Variants in PDE10A observed in about 807,000 individuals in gnomAD.
PDE10A encodes the protein cAMP and cAMP-inhibited cGMP 3',5'-cyclic phosphodiesterase 10A.
PDE10A carries 39 observed loss-of-function variants against 97.7 expected under a neutral mutation model. The ratio of observed to expected loss-of-function variants is 0.40; its 90% CI spans 0.31 to 0.52. The LOEUF (loss-of-function observed/expected upper bound fraction) is 0.52, where lower values mean the gene tolerates loss of function less well. PDE10A is among the 20% of genes least tolerant of loss of function. PDE10A has a pLI of 0.56. For synonymous variants in PDE10A, 371 were observed against 376.8 expected (o/e 0.98, Z 0.18); for missense variants, 731 against 1,047.8 (o/e 0.70, Z 4.17).
chr6:165,826,651 T>C lies in PDE10A; in HGVS notation c.-615+160878A>G, dbSNP rs1194295128. ...AGGGGTGGTGCGGGGGAGGCCGAGG[T>C]ACCCCCGTGTGTCTGAGCAGGGTCT... On this transcript the variant is annotated intron_variant, in intron 1 of 19. Transcript: ENST00000366882. Among the ~76,000 whole-genome samples, 3 of 152,050 alleles carry C rather than the reference T, an allele frequency of 2.0e-5. No homozygotes were observed. The East Asian group carries it at 5.8e-4, about 30-fold the overall frequency.
chr6:165,395,046 AG>A (rs1347608442), intron 15 of PDE10A, 134 bp downstream of exon 15: 1 of 546,386 alleles, frequency 1.8e-6, no homozygotes, highest in East Asian at 3.1e-5. Context: ...TGGAATATTT[AG>A]GAAAAAAAGT....
Position 165,332,073 on chromosome 6 carries a change from CTT to C in PDE10A, c.*950_*951del, listed in dbSNP as rs989594297. 1.3e-5 allele frequency: 2 copies of C among 152,052 alleles called. No individual in the cohort carries two copies. The highest frequency in any genetic ancestry group is 4.8e-5 in the African/African-American group (2 of 41,406). The allele number at this position is 152,052 out of a possible 1,614,324, so 9.4% of individuals were successfully genotyped here. A position where few individuals can be genotyped will look rare whatever the true frequency, so the allele number is the denominator to read the frequency against. On this transcript the variant is annotated 3_prime_UTR_variant, in exon 22 of 22. Coordinates refer to ENST00000539869, the MANE Select transcript of PDE10A (RefSeq NM_001385079.1). Reference sequence around the variant, plus strand: ...TTAATTAAACAATGTTTAAAATAAACTTTTCATTGTGAATGAGAGTCTAAAAT... The same window carrying C: ...TTAATTAAACAATGTTTAAAATAAACTTCATTGTGAATGAGAGTCTAAAAT...
intron 1 of PDE10A, among the ~76,000 whole-genome samples, chr6:165,875,737 T>TTTTG (rs750984085): frequency 3.6e-5 from 5 of 138,048 alleles, no homozygotes; most frequent in East Asian, 2.0e-4. Context: ...TACTGTTTTT[T>TTTTG]TTTTTTTTTT....
At chr6:165,838,917 C>T (rs547607669) in intron 1 of PDE10A, among the ~76,000 whole-genome samples, 14 of 152,276 alleles carry the variant, frequency 9.2e-5, no homozygotes, top group East Asian at 1.9e-4. Flanking sequence ...GTTTCCAGGA[C>T]GTTCCATGAT....
At chr6:165,663,399 C>G (rs930742919), upstream of PDE10A, among the ~76,000 whole-genome samples, 3 of 152,156 alleles carry the variant, frequency 2.0e-5, no homozygotes, top group Non-Finnish European at 4.4e-5. Flanking sequence ...ACAGAGCAAC[C>G]GCTGCGTCTC....
chr6:165,646,192 G>A (rs1223099932), intron 1 of PDE10A, among the ~76,000 whole-genome samples: 2 of 152,192 alleles, frequency 1.3e-5, no homozygotes, highest in East Asian at 3.9e-4. Context: ...TATAGACCTT[G>A]TCATGAAGTC....
At chr6:165,607,002 T>A in intron 1 of PDE10A, among the ~76,000 whole-genome samples, 1 of 152,236 alleles carries the variant, frequency 6.6e-6, no homozygotes. Context: ...CATATACTTA[T>A]TCTGTTGTTA....
chr6:165,459,522 TAGACAGACAGACAGACAGACAGAC>T lies in PDE10A; in HGVS notation c.1024-9184_1024-9161del, dbSNP rs138521828. On this transcript the variant is annotated intron_variant, in intron 3 of 21. Transcript: ENST00000539869. Reference sequence around the variant, plus strand: ...ATAGATAGATAGATAGATAGATAGATAGACAGACAGACAGACAGACAGACAGACAGACAGACAGATAGATAGATA... The same window carrying T: ...ATAGATAGATAGATAGATAGATAGATAGACAGACAGACAGATAGATAGATA... Among the ~76,000 whole-genome samples the T allele has an allele frequency of 3.7e-3, 390 of 106,184 alleles. 4 individuals are homozygous for T. The highest frequency in any genetic ancestry group is 0.012 in the African/African-American group (374 of 31,676). The allele number at this position is 106,184 out of a possible 152,430, so 69.7% of individuals were successfully genotyped here.
rs922754850 is a variant in PDE10A at position 165,883,127 on chromosome 6, T to C, written c.-615+104402A>G. Reference sequence around the variant, plus strand: ...GGCGCACGCCTGCAGTCCCAGCTACTCAGGAGGCTGAGACAGGAGAATTGC... The same window carrying C: ...GGCGCACGCCTGCAGTCCCAGCTACCCAGGAGGCTGAGACAGGAGAATTGC... On this transcript the variant is annotated intron_variant, in intron 1 of 19. Transcript: ENST00000366882. 4.6e-5 allele frequency among the ~76,000 whole-genome samples: 7 copies of C among 152,126 alleles called. No homozygotes were observed. In the South Asian group the frequency reaches 1.2e-3, roughly 27 times the overall value.
At chr6:165,364,725 T>G (rs1783651393) in intron 18 of PDE10A, among the ~76,000 whole-genome samples, 1 of 152,206 alleles carries the variant, frequency 6.6e-6, no homozygotes, top group Non-Finnish European at 1.5e-5. Context: ...AAGAAAATAT[T>G]GATCAACTAT....
At position 165,674,254 on chromosome 6, in the gene PDE10A, G is replaced by A. The variant is rs74355655; in HGVS notation, c.-614-130686C>T. Among the ~76,000 whole-genome samples, 115 of 152,044 alleles carry A rather than the reference G, an allele frequency of 7.6e-4. 1 individual carries two copies. The East Asian group carries it at 0.017, about 23-fold the overall frequency. On this transcript the variant is annotated intron_variant, in intron 1 of 19. Transcript: ENST00000366882. ...GCCGTGTCTCCCTCTTAGTGTTGCC[G>A]TGAGGATGACCAAGATTATGTGTAT...
At chr6:165,806,603 C>T (rs1426316016) in intron 1 of PDE10A, among the ~76,000 whole-genome samples, 6 of 152,120 alleles carry the variant, frequency 3.9e-5, no homozygotes, top group South Asian at 2.1e-4. Flanking sequence ...TCTCCTATTG[C>T]GTCTCTTCAG....
intron 1 of PDE10A, among the ~76,000 whole-genome samples, chr6:165,653,834 GC>G (rs35479314): frequency 0.27 from 40,475 of 152,020 alleles, 5,707 homozygotes; most frequent in Middle Eastern, 0.42. Flanking sequence ...TGGACTCAGT[GC>G]GTAAGGAAGA....
intron 1 of PDE10A, among the ~76,000 whole-genome samples, chr6:165,641,850 C>T (rs1789150315): frequency 6.6e-6 from 1 of 152,210 alleles, no homozygotes; most frequent in Non-Finnish European, 1.5e-5. Context: ...AACACGGTCC[C>T]GTCTCTGGCA....
chr6:165,386,535 C>T lies in PDE10A; in HGVS notation c.2610+1763G>A, dbSNP rs61366702. Among the ~76,000 whole-genome samples, 883 of 151,904 alleles carry T rather than the reference C, an allele frequency of 5.8e-3. 11 individuals are homozygous for T. The highest frequency in any genetic ancestry group is 0.02 in the African/African-American group (815 of 41,370). On this transcript the variant is annotated intron_variant, in intron 17 of 21. Transcript: ENST00000539869. ...GAAGTCATCCTGATGTTGTTTCTGG[C>T]GTTTATTCTTCTTAAACAAACAAAT...
At chr6:165,640,646 CGG>C (rs1789084697) in intron 1 of PDE10A, among the ~76,000 whole-genome samples, 1 of 152,148 alleles carries the variant, frequency 6.6e-6, no homozygotes, top group Non-Finnish European at 1.5e-5. Flanking sequence ...TTCAGAAACG[CGG>C]AAACCACAAC....
chr6:165,410,861 G>A (rs949296938), intron 13 of PDE10A, among the ~76,000 whole-genome samples: 6 of 147,350 alleles, frequency 4.1e-5, no homozygotes, highest in African/African-American at 1.5e-4. Flanking sequence ...GGCCGAGGCG[G>A]GCGGATCACG....
At chr6:165,548,302 T>G (rs7749624) in intron 1 of PDE10A, among the ~76,000 whole-genome samples, 1 of 142,572 alleles carries the variant, frequency 7.0e-6, no homozygotes, top group African/African-American at 2.7e-5. Flanking sequence ...TTTTTTTTTT[T>G]ACTGCTTGTT....
chr6:165,644,212 C>A (rs773858441), intron 1 of PDE10A, among the ~76,000 whole-genome samples: 1 of 143,750 alleles, frequency 7.0e-6, no homozygotes, highest in Non-Finnish European at 1.6e-5. Context: ...CCCGCCACCA[C>A]GCCCCGCTAA....
Sources: gnomAD v4.1 joint callset for allele counts (sites outside exome capture counted in the v4.1 genomes callset) on GRCh38, gnomAD v4.1.1 for gene constraint, MANE v1.5 for transcripts, NCBI Gene and HGNC (gene_info 2026-07-23, HGNC 2026-07-21) for gene names.